The following NOX4 variants were observed in gnomAD, a reference collection of about 807,000 sequenced individuals.
NOX4 encodes the protein kidney oxidase-1.
NOX4 carries 69 observed loss-of-function variants against 87.6 expected under a neutral mutation model. The observed-to-expected ratio is 0.79, with a 90% confidence interval of 0.65 to 0.96. NOX4 has a LOEUF of 0.96. Among genes scored for constraint, NOX4 ranks in the 40% least tolerant of loss-of-function variants. The probability of loss-of-function intolerance (pLI) is 0.00; values close to 1 mark genes in which losing one functional copy is unlikely to be tolerated. For synonymous variants in NOX4, 275 were observed against 238.2 expected (o/e 1.15, Z -1.42); for missense variants, 680 against 681.5 (o/e 1.00, Z 0.02).
At chr11:89,338,692 T>C (rs1945834156) in intron 15 of NOX4, among the ~76,000 whole-genome samples, 1 of 152,112 alleles carries the variant, frequency 6.6e-6, no homozygotes, top group African/African-American at 2.4e-5. Context: ...ACACCAAGCA[T>C]ACTGCTGCCT....
chr11:89,493,725 TTATTA>T (rs1946916807), upstream of NOX4, among the ~76,000 whole-genome samples: 29 of 60,038 alleles, frequency 4.8e-4, no homozygotes, highest in East Asian at 1.9e-3. Context: ...GATTGTTTTA[TTATTA>T]TTATTATTAT....
chr11:89,356,548 A>C (rs1373004078), intron 12 of NOX4, among the ~76,000 whole-genome samples: 1 of 152,076 alleles, frequency 6.6e-6, no homozygotes, highest in Non-Finnish European at 1.5e-5. Flanking sequence ...TTACCTCTAG[A>C]GTCATACCTA....
chr11:89,508,307 T>G, the NOX4 span, among the ~76,000 whole-genome samples: 1 of 152,218 alleles, frequency 6.6e-6, no homozygotes, highest in South Asian at 2.1e-4. Context: ...GCCAGCTCTC[T>G]GACAAGTGTC....
At chr11:89,332,180 T>A (rs1945503286) in intron 17 of NOX4, among the ~76,000 whole-genome samples, 1 of 146,296 alleles carries the variant, frequency 6.8e-6, no homozygotes, top group African/African-American at 2.8e-5. Flanking sequence ...GGAGAGCTTA[T>A]TCACTCGTTG....
intron 2 of NOX4, among the ~76,000 whole-genome samples, chr11:89,454,022 C>T (rs1471276419): frequency 6.6e-6 from 1 of 152,070 alleles, no homozygotes; most frequent in Non-Finnish European, 1.5e-5. Flanking sequence ...GTTCTTTTAT[C>T]ATTAAAGAAA....
At chr11:89,562,037 C>G in the NOX4 span, among the ~76,000 whole-genome samples, 1 of 152,124 alleles carries the variant, frequency 6.6e-6, no homozygotes, top group African/African-American at 2.4e-5. Flanking sequence ...GTTAGATAAA[C>G]AGCAATAGGG....
chr11:89,525,791 C>T, the NOX4 span, among the ~76,000 whole-genome samples: 2 of 151,996 alleles, frequency 1.3e-5, no homozygotes, highest in African/African-American at 4.8e-5. Flanking sequence ...TATTTACCAC[C>T]TGAAGGTTTC....
intron 2 of NOX4, among the ~76,000 whole-genome samples, chr11:89,465,181 A>G (rs1370718843): frequency 2.6e-5 from 4 of 151,286 alleles, no homozygotes; most frequent in South Asian, 4.2e-4. Context: ...GTGCCCTCCT[A>G]TGTCCATGTG....
Position 89,400,326 on chromosome 11 carries a change from G to A in NOX4, c.900C>T (p.Tyr300=), listed in dbSNP as rs1204851834. The A allele has an allele frequency of 6.2e-7, 1 of 1,612,530 alleles. No individual in the cohort carries two copies. The highest frequency in any genetic ancestry group is 8.5e-7 in the Non-Finnish European group (1 of 1,179,154). ...CTGGCTTATTGCTCCGGATATACCTGTAAAGTCTTTCGGCACAGTACAGGC... is the reference window on the plus strand; with the variant it reads ...CTGGCTTATTGCTCCGGATATACCTATAAAGTCTTTCGGCACAGTACAGGC... The part of the protein sequence containing the change: ...PLCLYCAERL[Y]RYIRSNKPVT... Residue 300 remains tyrosine (Y), a synonymous_variant, in exon 10 of 18, where the codon TAC becomes TAT. Coordinates refer to ENST00000263317, the MANE Select transcript of NOX4 (RefSeq NM_016931.5).
At chr11:89,365,647 C>A (rs1403327726) in intron 12 of NOX4, among the ~76,000 whole-genome samples, 1 of 148,494 alleles carries the variant, frequency 6.7e-6, no homozygotes, top group African/African-American at 2.5e-5. Context: ...GATCAAGACT[C>A]AGCTCCATAC....
At chr11:89,339,446 G>A (rs1233206279) in intron 15 of NOX4, among the ~76,000 whole-genome samples, 1 of 152,124 alleles carries the variant, frequency 6.6e-6, no homozygotes, top group African/African-American at 2.4e-5. Flanking sequence ...AGTAAGAGAG[G>A]ATTTTACTTT....
chr11:89,344,032 G>A (rs985578447), intron 13 of NOX4, among the ~76,000 whole-genome samples: 13 of 151,418 alleles, frequency 8.6e-5, no homozygotes, highest in African/African-American at 3.1e-4. Context: ...TCTGTTTTAT[G>A]TGGCTGAATG....
chr11:89,354,738 C>G (rs1937876512), intron 13 of NOX4, among the ~76,000 whole-genome samples: 1 of 152,164 alleles, frequency 6.6e-6, no homozygotes, highest in Non-Finnish European at 1.5e-5. Flanking sequence ...GCGGCAGCTC[C>G]TCAGTCAAAG....
chr11:89,550,953 T>A, the NOX4 span, among the ~76,000 whole-genome samples: 1 of 152,346 alleles, frequency 6.6e-6, no homozygotes, highest in South Asian at 2.1e-4. Context: ...CTTGAGTTAA[T>A]TTTTGTATAA....
chr11:89,580,240 A>G, the NOX4 span, among the ~76,000 whole-genome samples: 2 of 152,164 alleles, frequency 1.3e-5, no homozygotes, highest in Admixed American at 6.5e-5. Flanking sequence ...GACTGAGTGC[A>G]GTGGCATGAT....
intron 12 of NOX4, among the ~76,000 whole-genome samples, chr11:89,355,903 AG>A (rs1302798479): frequency 6.6e-6 from 1 of 152,142 alleles, no homozygotes; most frequent in Non-Finnish European, 1.5e-5. Context: ...GAAGCAGCTC[AG>A]TTGCTCATTG....
At chr11:89,393,668 T>C (rs1314851748) in intron 11 of NOX4, among the ~76,000 whole-genome samples, 7 of 152,160 alleles carry the variant, frequency 4.6e-5, no homozygotes, top group Non-Finnish European at 1.0e-4. Context: ...TGACCACTAA[T>C]GATGTGCCAA....
chr11:89,489,022 G>A, intron 2 of NOX4: 1 of 701,886 alleles, frequency 1.4e-6, no homozygotes, highest in Non-Finnish European at 2.6e-6. Context: ...AGAAATAAAT[G>A]AAATGGGTTT....
chr11:89,481,958 C>T (rs543950437), intron 2 of NOX4, among the ~76,000 whole-genome samples: 9 of 152,190 alleles, frequency 5.9e-5, no homozygotes, highest in African/African-American at 2.2e-4. Context: ...ATATTCCCTA[C>T]TTCCTTTTCT....
Sources: gnomAD v4.1 joint callset for allele counts (sites outside exome capture counted in the v4.1 genomes callset) on GRCh38, gnomAD v4.1.1 for gene constraint, MANE v1.5 for transcripts, NCBI Gene and HGNC (gene_info 2026-07-23, HGNC 2026-07-21) for gene names.